Variants in LRRC8C observed in about 807,000 individuals in gnomAD.
LRRC8C encodes leucine rich repeat containing 8 VRAC subunit C.
Under a neutral mutation model 55.3 loss-of-function variants are expected in LRRC8C, and 20 were observed. That is an observed-to-expected ratio of 0.36 (90% CI 0.25 to 0.53). The LOEUF is 0.53. Ranked by LOEUF, LRRC8C falls within the 20% of genes least tolerant of loss-of-function variation. LRRC8C has a pLI of 0.92. For synonymous variants in LRRC8C, 376 were observed against 360.7 expected, an observed-to-expected ratio of 1.04 and a Z score of -0.48; for missense variants, 659 against 951.4, an observed-to-expected ratio of 0.69 and a Z score of 4.04.
intron 1 of LRRC8C, among the ~76,000 whole-genome samples, chr1:89,673,701 A>T (rs2390795): frequency 0.58 from 88,014 of 152,158 alleles, 26,470 homozygotes; most frequent in South Asian, 0.74. Flanking sequence ...TATATGCCAA[A>T]TACTGTGAAG....
At chr1:89,653,731 A>T (rs1934046) in intron 1 of LRRC8C, among the ~76,000 whole-genome samples, 56,554 of 152,164 alleles carry the variant, frequency 0.37, 11,641 homozygotes, top group South Asian at 0.56. Flanking sequence ...GAAAAAAATT[A>T]AAAATTGACT....
intron 1 of LRRC8C, among the ~76,000 whole-genome samples, chr1:89,636,236 A>G (rs956217492): frequency 2.0e-5 from 3 of 152,216 alleles, no homozygotes; most frequent in East Asian, 1.9e-4. Context: ...GGTGCTCAGT[A>G]AGGATTAACA....
At chr1:89,696,485 G>C (rs1444834045) in intron 2 of LRRC8C, among the ~76,000 whole-genome samples, 1 of 152,116 alleles carries the variant, frequency 6.6e-6, no homozygotes, top group East Asian at 1.9e-4. Context: ...GGAAGGGGAA[G>C]GGGAAGAGAG....
chr1:89,708,134 T>C (rs1486767220), intron 2 of LRRC8C, among the ~76,000 whole-genome samples: 2 of 151,438 alleles, frequency 1.3e-5, no homozygotes, highest in Non-Finnish European at 2.9e-5. Flanking sequence ...TCTTCCTACA[T>C]AAAGGCACCA....
In LRRC8C at chr1:89,713,873, G is replaced by C. The variant is rs1251932829; in HGVS notation, c.1303G>C (p.Gly435Arg). Reference sequence around the variant, plus strand: ...GGAATTGCCTCTTATCATGCTCTCTGGCCTTCCAGACACTGTTTTTGAAAT... The same window carrying C: ...GGAATTGCCTCTTATCATGCTCTCTCGCCTTCCAGACACTGTTTTTGAAAT... ...RLELPLIMLS[G>R]LPDTVFEITE... is the part of the protein sequence containing the mutation. The change falls in exon 3 of 3, where the codon GGC becomes CGC. Residue 435 changes from glycine to arginine, a missense_variant. Gly to Arg is a moderately radical substitution (Grantham distance 125). This residue lies in a region of LRRC8C where 344 missense variants were observed against 464.6 expected (regional missense o/e 0.74). Coordinates refer to ENST00000370454, the MANE Select transcript of LRRC8C (RefSeq NM_032270.5). This position sits in a 1 kb window ranked among gnomAD's most constrained non-coding sequence, Gnocchi z 5.2. 6.2e-7 allele frequency: 1 copy of C among 1,613,974 alleles called. No homozygotes were observed. Among genetic ancestry groups the C allele is most frequent in the Non-Finnish European group, 8.5e-7 (1 of 1,180,034 alleles).
chr1:89,643,017 CAAAAAA>C (rs34145647), intron 1 of LRRC8C, among the ~76,000 whole-genome samples: 3 of 109,510 alleles, frequency 2.7e-5, no homozygotes, highest in African/African-American at 3.3e-5. Context: ...GACTGTGTCT[CAAAAAA>C]AAAAAAAAAA....
chr1:89,627,274 T>C, the LRRC8C span, among the ~76,000 whole-genome samples: 1 of 151,526 alleles, frequency 6.6e-6, no homozygotes, highest in Non-Finnish European at 1.5e-5. Context: ...ATGACCAATA[T>C]ATATATATAT....
chr1:89,633,036 C>A (rs1178932399), upstream of LRRC8C: 2 of 151,982 alleles, frequency 1.3e-5, no homozygotes, highest in African/African-American at 4.8e-5. Flanking sequence ...CTGCCGCTAG[C>A]CGGGCTGCGT....
intron 1 of LRRC8C, among the ~76,000 whole-genome samples, chr1:89,633,910 T>G (rs1656207932): frequency 6.6e-6 from 1 of 152,320 alleles, no homozygotes; most frequent in African/African-American, 2.4e-5. Context: ...GGCCAGCGGT[T>G]GAGGCCAAAA....
intron 2 of LRRC8C, among the ~76,000 whole-genome samples, chr1:89,710,887 G>T (rs560949837): frequency 9.7e-4 from 147 of 152,282 alleles, no homozygotes; most frequent in African/African-American, 3.3e-3. Context: ...CTGGGTCTAG[G>T]TGATTCTGAG....
rs965087752 is a variant in LRRC8C at position 89,716,537 on chromosome 1, A to G, written c.*1555A>G. ...TTTACCTTTGTAATTAAAATCCAAC[A>G]TAGCATGGGCTCTTGGGCAAAATAT... On this transcript the variant is annotated 3_prime_UTR_variant, in exon 3 of 3. Coordinates refer to ENST00000370454, the MANE Select transcript of LRRC8C (RefSeq NM_032270.5). 1 of 152,342 alleles carries G rather than the reference A, an allele frequency of 6.6e-6. No homozygotes were observed. The highest frequency in any genetic ancestry group is 1.5e-5 in the Non-Finnish European group (1 of 68,022). The allele number at this position is 152,342 out of a possible 1,614,324, so 9.4% of individuals were successfully genotyped here.
chr1:89,628,705 TC>T (rs1446908594), upstream of LRRC8C, among the ~76,000 whole-genome samples: 1 of 152,226 alleles, frequency 6.6e-6, no homozygotes, highest in African/African-American at 2.4e-5. Flanking sequence ...CATTCCTTCC[TC>T]CCAGGTATGG....
chr1:89,697,712 C>T (rs1658214611), intron 2 of LRRC8C, among the ~76,000 whole-genome samples: 1 of 152,124 alleles, frequency 6.6e-6, no homozygotes, highest in South Asian at 2.1e-4. Flanking sequence ...GTCTTTATGG[C>T]TTATGGAAAA....
chr1:89,617,841 A>G, the LRRC8C span, among the ~76,000 whole-genome samples: 226 of 152,318 alleles, frequency 1.5e-3, 1 homozygote, highest in Middle Eastern at 3.4e-3. Flanking sequence ...AGATTTGATT[A>G]CAGACTTTTT....
the LRRC8C span, among the ~76,000 whole-genome samples, chr1:89,627,270 A>AAT: frequency 1.3e-3 from 193 of 150,720 alleles, no homozygotes; most frequent in African/African-American, 2.7e-3. Flanking sequence ...GACAATGACC[A>AAT]ATATATATAT....
intron 2 of LRRC8C, among the ~76,000 whole-genome samples, chr1:89,689,987 C>T (rs1356286083): frequency 6.6e-6 from 1 of 151,978 alleles, no homozygotes; most frequent in African/African-American, 2.4e-5. Context: ...TTTTAGACCT[C>T]AGCAACTAGA....
At chr1:89,646,865 C>G (rs2101189418) in intron 1 of LRRC8C, among the ~76,000 whole-genome samples, 1 of 152,026 alleles carries the variant, frequency 6.6e-6, no homozygotes. Flanking sequence ...ATCTACAAAG[C>G]AACAACGAAA....
intron 1 of LRRC8C, among the ~76,000 whole-genome samples, chr1:89,650,853 G>A (rs952981779): frequency 6.6e-6 from 1 of 152,134 alleles, no homozygotes; most frequent in African/African-American, 2.4e-5. Flanking sequence ...GAGGAGTCCT[G>A]TTTTAACTCC....
intron 1 of LRRC8C, among the ~76,000 whole-genome samples, chr1:89,666,093 T>C (rs1464201759): frequency 6.6e-6 from 1 of 152,112 alleles, no homozygotes; most frequent in Non-Finnish European, 1.5e-5. Flanking sequence ...CACGACAAAA[T>C]TGCCTAATGA....
Sources: allele counts gnomAD v4.1 joint callset (sites outside exome capture counted in the v4.1 genomes callset), GRCh38; gene constraint gnomAD v4.1.1; regional missense constraint gnomAD v4.1.1; non-coding constraint Gnocchi (gnomAD v3.1); transcripts MANE v1.5; gene names NCBI Gene and HGNC (gene_info 2026-07-23, HGNC 2026-07-21).